Variants in TNFRSF21 observed in about 807,000 individuals in gnomAD.
The protein encoded by TNFRSF21 is TNF receptor superfamily member 21.
Under a neutral mutation model 45.6 loss-of-function variants are expected in TNFRSF21, and 19 were observed. The ratio of observed to expected loss-of-function variants is 0.42; its 90% confidence interval spans 0.29 to 0.61. The LOEUF is 0.61. TNFRSF21 is among the 20% of genes least tolerant of loss of function. The pLI, the probability that TNFRSF21 is intolerant of heterozygous loss-of-function variation, is 0.23. For synonymous variants in TNFRSF21, 314 were observed against 335.5 expected (o/e 0.94, Z 0.70); for missense variants, 737 against 851.5 (o/e 0.87, Z 1.67).
At chr6:47,251,055 A>G (rs1214081454) in intron 4 of TNFRSF21, among the ~76,000 whole-genome samples, 1 of 152,238 alleles carries the variant, frequency 6.6e-6, no homozygotes, top group Non-Finnish European at 1.5e-5. Context: ...CTATCTTATT[A>G]TGTATATGCA....
chr6:47,300,213 G>C (rs552743606), intron 1 of TNFRSF21, among the ~76,000 whole-genome samples: 2 of 152,146 alleles, frequency 1.3e-5, no homozygotes, highest in African/African-American at 2.4e-5. Flanking sequence ...CAAACTTAAG[G>C]CCTCTCAGTT....
At chr6:47,281,428 C>T (rs983655407) in intron 3 of TNFRSF21, among the ~76,000 whole-genome samples, 7 of 151,322 alleles carry the variant, frequency 4.6e-5, no homozygotes, top group African/African-American at 1.7e-4. Flanking sequence ...TGGCCCAGGC[C>T]GGAGTGCAGC....
At chr6:47,308,909 G>T (rs574401806) in intron 1 of TNFRSF21, among the ~76,000 whole-genome samples, 1 of 152,208 alleles carries the variant, frequency 6.6e-6, no homozygotes, top group African/African-American at 2.4e-5. Flanking sequence ...GGAGGTCTCC[G>T]GTGTCCGGCG....
chr6:47,287,519 T>G (rs1762668786), intron 1 of TNFRSF21, among the ~76,000 whole-genome samples: 1 of 152,008 alleles, frequency 6.6e-6, no homozygotes, highest in Non-Finnish European at 1.5e-5. Context: ...TAAGAATTAT[T>G]TATCACAGAT....
chr6:47,247,649 G>T (rs1051241161), intron 4 of TNFRSF21, among the ~76,000 whole-genome samples: 3 of 152,192 alleles, frequency 2.0e-5, no homozygotes, highest in African/African-American at 7.2e-5. Context: ...GCAGAGGCAG[G>T]AGTGCTGCTC....
intron 3 of TNFRSF21, among the ~76,000 whole-genome samples, chr6:47,259,370 T>C (rs554975683): frequency 1.6e-5 from 2 of 126,148 alleles, no homozygotes; most frequent in South Asian, 4.8e-4. Flanking sequence ...GAACATCACA[T>C]TGCCTTTTTT....
intron 4 of TNFRSF21, among the ~76,000 whole-genome samples, chr6:47,240,304 G>A (rs113084293): frequency 5.7e-4 from 87 of 152,280 alleles, no homozygotes; most frequent in Middle Eastern, 3.4e-3. Flanking sequence ...TTTAATAATG[G>A]TTTTTAAAAG....
intron 1 of TNFRSF21, among the ~76,000 whole-genome samples, chr6:47,300,358 T>A (rs765135150): frequency 1.3e-5 from 2 of 152,084 alleles, no homozygotes; most frequent in Non-Finnish European, 2.9e-5. Context: ...CATCAGCAAA[T>A]CTCTCCAAAA....
chr6:47,241,964 T>C (rs1764751676), intron 4 of TNFRSF21, among the ~76,000 whole-genome samples: 1 of 152,154 alleles, frequency 6.6e-6, no homozygotes, highest in Admixed American at 6.5e-5. Context: ...AATTGCCAAG[T>C]GGACAGCGAG....
chr6:47,265,527 G>T (rs901027145), intron 3 of TNFRSF21, among the ~76,000 whole-genome samples: 1 of 152,170 alleles, frequency 6.6e-6, no homozygotes, highest in Non-Finnish European at 1.5e-5. Context: ...ACCTGGCACT[G>T]CTACTTCCTA....
intron 4 of TNFRSF21, among the ~76,000 whole-genome samples, chr6:47,247,657 C>T (rs1764841611): frequency 6.6e-6 from 1 of 152,158 alleles, no homozygotes; most frequent in South Asian, 2.1e-4. Context: ...AGGAGTGCTG[C>T]TCTCACCAAA....
At chr6:47,280,479 T>C (rs536079430) in intron 3 of TNFRSF21, among the ~76,000 whole-genome samples, 4 of 152,232 alleles carry the variant, frequency 2.6e-5, no homozygotes, top group African/African-American at 9.6e-5. Context: ...AGACTTTCCT[T>C]AGAAAAACAC....
intron 3 of TNFRSF21, among the ~76,000 whole-genome samples, chr6:47,261,573 A>G (rs1193539219): frequency 6.6e-6 from 1 of 152,184 alleles, no homozygotes; most frequent in Non-Finnish European, 1.5e-5. Context: ...AGAAAGGACA[A>G]CAGTTCTATG....
intron 1 of TNFRSF21, among the ~76,000 whole-genome samples, chr6:47,299,644 T>C (rs951606413): frequency 6.6e-6 from 1 of 152,222 alleles, no homozygotes; most frequent in Non-Finnish European, 1.5e-5. Flanking sequence ...GAGGGCTACA[T>C]GAGTACATAA....
chr6:47,287,544 G>T (rs920807232), intron 1 of TNFRSF21, among the ~76,000 whole-genome samples: 1 of 151,742 alleles, frequency 6.6e-6, no homozygotes, highest in African/African-American at 2.4e-5. Flanking sequence ...AAAATACTTT[G>T]TTTAGCTTAG....
At chr6:47,302,234 C>T (rs752953146) in intron 1 of TNFRSF21, among the ~76,000 whole-genome samples, 17 of 152,060 alleles carry the variant, frequency 1.1e-4, no homozygotes, top group Non-Finnish European at 1.6e-4. Flanking sequence ...CCTCAAATCA[C>T]GGAGTTAAAC....
At chr6:47,250,164 T>A (rs1028644636) in intron 4 of TNFRSF21, among the ~76,000 whole-genome samples, 61 of 152,310 alleles carry the variant, frequency 4.0e-4, no homozygotes, top group African/African-American at 1.5e-3. Flanking sequence ...AGACATTTTT[T>A]AAATAAAGAC....
rs1016366766 is a variant in TNFRSF21, at chr6:47,277,304, A to G, written c.1243+6634T>C. ...ACTGCGCCCAACCCCTAAGTATAGT[A>G]TTTTAAAGGAGAATGTTTCTTTCTT... On this transcript the variant is annotated intron_variant, in intron 3 of 5. Coordinates refer to ENST00000296861, the MANE Select transcript of TNFRSF21 (RefSeq NM_014452.5). 3.9e-5 allele frequency among the ~76,000 whole-genome samples: 6 copies of G among 152,302 alleles called. No homozygotes were observed. In the East Asian group the frequency reaches 1.2e-3, roughly 29 times the overall value.
At chr6:47,259,882 T>C (rs1393335030) in intron 3 of TNFRSF21, among the ~76,000 whole-genome samples, 1 of 152,190 alleles carries the variant, frequency 6.6e-6, no homozygotes, top group African/African-American at 2.4e-5. Context: ...TCACAAGATA[T>C]GGTTTCAAAC....
Sources: gnomAD v4.1 joint callset for allele counts (sites outside exome capture counted in the v4.1 genomes callset) on GRCh38, gnomAD v4.1.1 for gene constraint, MANE v1.5 for transcripts, NCBI Gene and HGNC (gene_info 2026-07-23, HGNC 2026-07-21) for gene names.